Variants in FSD2 observed in about 807,000 individuals in gnomAD.
FSD2 encodes fibronectin type III and SPRY domain containing 2.
A neutral mutation model predicts 80.4 loss-of-function variants in FSD2; 71 were observed. That is an observed-to-expected ratio of 0.88 (90% confidence interval 0.73 to 1.08). The LOEUF is 1.08. Among genes scored for constraint, FSD2 ranks in the 50% least tolerant of loss-of-function variants. FSD2 has a pLI of 0.00. For synonymous variants in FSD2, 361 were observed against 329.5 expected (o/e 1.10, Z -1.03); for missense variants, 923 against 913.8 (o/e 1.01, Z -0.13).
At chr15:82,769,403 C>T (rs2049504444) in intron 8 of FSD2, among the ~76,000 whole-genome samples, 1 of 139,880 alleles carries the variant, frequency 7.1e-6, no homozygotes, top group African/African-American at 2.6e-5. Context: ...AATGCCATCT[C>T]TTCTAAAAAT....
rs1008150986 is a variant in FSD2 at position 82,765,970 on chromosome 15, T to G, written c.1615A>C (p.Ile539Leu). 1.9e-5 allele frequency: 30 copies of G among 1,603,394 alleles called. No individual in the cohort carries two copies. Among genetic ancestry groups the G allele is most frequent in the Non-Finnish European group, 2.6e-5 (30 of 1,175,984 alleles). The change falls in exon 10 of 13, where the codon ATT becomes CTT. Residue 539 changes from isoleucine to leucine, a missense_variant. Transcript: ENST00000334574. ...VVQLQPGRSY[I>L]IYVRALNMGG... is the part of the protein sequence containing the mutation. The stretch of plus-strand genomic sequence containing the variant: ...ATATTGAGGGCTCGCACATAGATAA[T>G]GTAGCTCCGCCCCGGCTGCAGCTGC...
rs774156172 is a variant in FSD2, at chr15:82,769,803, G to T, written c.1349C>A (p.Ala450Asp). The change falls in exon 8 of 13, where the codon GCT becomes GAT. Residue 450 changes from alanine (A) to aspartate (D), a missense_variant. Physicochemically the swap from Ala to Asp is moderately radical, Grantham distance 126. Coordinates refer to ENST00000334574, the MANE Select transcript of FSD2 (RefSeq NM_001007122.4). ...GGGGCTGGGGCCAGCCCTGTTGTGA[G>T]CTGTGACCCAAAATTCATACTGGGT... The part of the protein sequence containing the change: ...PNTQYEFWVT[A>D]HNRAGPSPSS... 1.2e-6 allele frequency: 2 copies of T among 1,613,918 alleles called. No homozygotes were observed. Among genetic ancestry groups the T allele is most frequent in the Non-Finnish European group, 8.5e-7 (1 of 1,179,890 alleles).
At chr15:82,799,769 T>C (rs2050366329) in intron 1 of FSD2, among the ~76,000 whole-genome samples, 1 of 152,192 alleles carries the variant, frequency 6.6e-6, no homozygotes, top group African/African-American at 2.4e-5. Flanking sequence ...ACACGTCGCC[T>C]TGGGGTTCTG....
chr15:82,763,355 C>G (rs1295797203), intron 11 of FSD2, among the ~76,000 whole-genome samples: 3 of 152,174 alleles, frequency 2.0e-5, no homozygotes, highest in Non-Finnish European at 4.4e-5. Context: ...TAGTTTGATT[C>G]CTGCTTCAAC....
chr15:82,798,267 C>G (rs1473297835), intron 1 of FSD2, among the ~76,000 whole-genome samples: 1 of 152,088 alleles, frequency 6.6e-6, no homozygotes, highest in Admixed American at 6.6e-5. Context: ...ATCACTTTAG[C>G]TTGGAAGATT....
Position 82,762,146 on chromosome 15 carries a change from T to A in FSD2, c.1953A>T (p.Ala651=). ...GCCTCATGCACCAGGAGAGGCAATT[T>A]GCTCCCAGATCCTCCTGTTTACGGA... ...ADVRKQEDLG[A]NCLSWCMRHT... is the part of the protein sequence containing the mutation. The change falls in exon 12 of 13, where the codon GCA becomes GCT. Residue 651 remains alanine, a synonymous_variant. Coordinates refer to ENST00000334574, the MANE Select transcript of FSD2 (RefSeq NM_001007122.4). The A allele has an allele frequency of 6.2e-7, 1 of 1,611,326 alleles. No individual in the cohort carries two copies. The highest frequency in any genetic ancestry group is 8.5e-7 in the Non-Finnish European group (1 of 1,178,698).
At chr15:82,761,685 A>AT (rs34491416) in intron 12 of FSD2, among the ~76,000 whole-genome samples, 1,735 of 141,850 alleles carry the variant, frequency 0.012, 17 homozygotes, top group Non-Finnish European at 0.016. Flanking sequence ...TTATTTTATT[A>AT]TTTTTTTTTT....
rs1157562643 is a variant in FSD2 at position 82,759,404 on chromosome 15, C to G, written c.2194G>C (p.Gly732Arg). The G allele has an allele frequency of 6.2e-7, 1 of 1,613,700 alleles. No individual in the cohort carries two copies. Among genetic ancestry groups the G allele is most frequent in the Non-Finnish European group, 8.5e-7 (1 of 1,179,766 alleles). Residue 732 changes from glycine to arginine, a missense_variant, in exon 13 of 13, where the codon GGG becomes CGG. Coordinates refer to ENST00000334574, the MANE Select transcript of FSD2 (RefSeq NM_001007122.4). Reference sequence around the variant, plus strand: ...ATGCCATTATGTACCTTTAGACACCCAGGCTTTTCCAAAGAAAAACAGGGA... The same window carrying G: ...ATGCCATTATGTACCTTTAGACACCGAGGCTTTTCCAAAGAAAAACAGGGA... ...VHPCFSLEKP[G>R]CLKVHNGISM...
Position 82,762,108 on chromosome 15 carries a change from G to C in FSD2, c.1991C>G (p.Ser664Ter). ...LSWCMRHTFASSRHKYEFLHN... is the reference protein window; with the variant it reads ...LSWCMRHTFA ...TATCCAGATTTTACTTTACCTTGAT[G>C]ATGCAAATGTGTGCCTCATGCACCA... The change falls in exon 12 of 13, where the codon TCA (serine) becomes TGA (stop). Residue 664 changes from serine (S) to a stop codon, truncating the protein, a stop_gained. Transcript: ENST00000334574. LOFTEE classifies it high-confidence loss of function. The C allele has an allele frequency of 1.9e-6, 3 of 1,591,534 alleles. No individual in the cohort carries two copies. Among genetic ancestry groups the C allele is most frequent in the Non-Finnish European group, 2.6e-6 (3 of 1,169,594 alleles).
intron 12 of FSD2, among the ~76,000 whole-genome samples, chr15:82,761,241 G>A (rs757688230): frequency 6.6e-5 from 10 of 152,212 alleles, no homozygotes; most frequent in East Asian, 1.9e-4. Flanking sequence ...TACAAGGTGT[G>A]ATAGGAAAGC....
At chr15:82,779,312 CG>C (rs2049795919) in intron 5 of FSD2, among the ~76,000 whole-genome samples, 1 of 152,084 alleles carries the variant, frequency 6.6e-6, no homozygotes, top group South Asian at 2.1e-4. Context: ...TCATGGGACT[CG>C]GGGTCTCCTT....
chr15:82,774,143 T>G (rs1452661808), intron 6 of FSD2, among the ~76,000 whole-genome samples: 2 of 152,176 alleles, frequency 1.3e-5, no homozygotes, highest in Non-Finnish European at 2.9e-5. Flanking sequence ...GGGGCAGTCA[T>G]AGCTCACTGC....
chr15:82,766,031 C>T lies in FSD2; in HGVS notation c.1554G>A (p.Glu518=). 6.3e-7 allele frequency: 1 copy of T among 1,580,340 alleles called. No individual in the cohort carries two copies. Among genetic ancestry groups the T allele is most frequent in the Admixed American group, 1.8e-5 (1 of 55,606 alleles). The part of the protein sequence containing the change: ...AESPEASGVT[E]SVVGIPTCES... The stretch of plus-strand genomic sequence containing the variant: ...CGCAGGTCGGGATGCCCACAACAGA[C>T]CTGTACAAGGAAGCAGAGCTGCAGT... The change falls in exon 10 of 13, where the codon GAG becomes GAA. Residue 518 remains glutamate (E), a splice_region_variant and synonymous_variant. Transcript: ENST00000334574.
intron 7 of FSD2, among the ~76,000 whole-genome samples, chr15:82,770,258 A>C (rs1272914490): frequency 6.6e-6 from 1 of 152,234 alleles, no homozygotes; most frequent in Non-Finnish European, 1.5e-5. Context: ...GAGAGACCCC[A>C]GCTGCCCAAG....
chr15:82,761,980 T>G (rs1205509314), intron 12 of FSD2, 122 bp downstream of exon 12: 1 of 933,060 alleles, frequency 1.1e-6, no homozygotes, highest in Admixed American at 3.4e-5. Flanking sequence ...TGGCAGCAAC[T>G]CCTGAAATAT....
chr15:82,790,895 T>C (rs1483314669), intron 1 of FSD2, among the ~76,000 whole-genome samples: 1 of 151,438 alleles, frequency 6.6e-6, no homozygotes, highest in Non-Finnish European at 1.5e-5. Context: ...CATTGTGTTT[T>C]ATTAATTCTT....
At chr15:82,764,569 C>T (rs1302695990) in intron 11 of FSD2, among the ~76,000 whole-genome samples, 7 of 144,608 alleles carry the variant, frequency 4.8e-5, no homozygotes, top group African/African-American at 1.5e-4. Context: ...ATCTCCGCCC[C>T]GCGGGTTCAA....
chr15:82,799,903 C>A (rs12910606), intron 1 of FSD2, among the ~76,000 whole-genome samples: 51,169 of 151,920 alleles, frequency 0.34, 8,643 homozygotes, highest in Middle Eastern at 0.36. Context: ...CCAGCTGGCC[C>A]GTGAGAGGTT....
rs571759030 is a variant in FSD2, at chr15:82,786,573, T to G, written c.673A>C (p.Lys225Gln). The change falls in exon 3 of 13, where the codon AAG (lysine) becomes CAG (glutamine). Residue 225 changes from lysine (K) to glutamine (Q), a missense_variant. By Grantham distance (53) the Lys-to-Gln change is moderately conservative. Coordinates refer to ENST00000334574, the MANE Select transcript of FSD2 (RefSeq NM_001007122.4). Reference sequence around the variant, plus strand: ...AAGTTTTCCATCTCAATTATCTGCTTTTCCAATTTGTACATGTTTTTGTGA... The same window carrying G: ...AAGTTTTCCATCTCAATTATCTGCTGTTCCAATTTGTACATGTTTTTGTGA... ...EIHKNMYKLE[K>Q]QIIEMENFAN... is the part of the protein sequence containing the mutation. 9.9e-6 allele frequency: 16 copies of G among 1,613,656 alleles called. No homozygotes were observed. In the South Asian group the frequency reaches 1.8e-4, roughly 18 times the overall value.
Sources: allele counts gnomAD v4.1 joint callset (sites outside exome capture counted in the v4.1 genomes callset), GRCh38; gene constraint gnomAD v4.1.1; transcripts MANE v1.5; gene names NCBI Gene and HGNC (gene_info 2026-07-23, HGNC 2026-07-21).